The following CMTM8 variants were observed in gnomAD, a reference collection of about 807,000 sequenced individuals.
CMTM8 encodes CKLF-like MARVEL transmembrane domain-containing protein 8.
Under a neutral mutation model 18.6 loss-of-function variants are expected in CMTM8, and 12 were observed. That is an observed-to-expected ratio of 0.65 (90% CI 0.41 to 1.05). CMTM8 has a LOEUF of 1.05. Among genes scored for constraint, CMTM8 ranks in the 50% least tolerant of loss-of-function variants. The probability of loss-of-function intolerance (pLI) is 0.00; values close to 1 mark genes in which losing one functional copy is unlikely to be tolerated. For synonymous variants in CMTM8, 87 were observed against 90.6 expected (o/e 0.96, Z 0.23); for missense variants, 217 against 227.2 (o/e 0.95, Z 0.29).
intron 1 of CMTM8, among the ~76,000 whole-genome samples, chr3:32,319,057 C>CATACATATATATATAT (rs1206855049): frequency 6.5e-4 from 30 of 45,878 alleles, no homozygotes; most frequent in Middle Eastern, 0.015. Context: ...TGTGTATATA[C>CATACATATATATATAT]ATATATATAT....
chr3:32,301,675 C>G (rs1196175405), intron 1 of CMTM8, among the ~76,000 whole-genome samples: 2 of 150,642 alleles, frequency 1.3e-5, no homozygotes, highest in African/African-American at 4.9e-5. Flanking sequence ...AAATCTCATA[C>G]AGTTTTCCAT....
At chr3:32,265,648 A>C (rs557270723) in intron 1 of CMTM8, among the ~76,000 whole-genome samples, 3 of 147,630 alleles carry the variant, frequency 2.0e-5, no homozygotes, top group Non-Finnish European at 4.5e-5. Context: ...CCCTTCAAAA[A>C]ATCAATGAAT....
intron 1 of CMTM8, among the ~76,000 whole-genome samples, chr3:32,293,161 G>A (rs540569291): frequency 6.6e-6 from 1 of 151,824 alleles, no homozygotes; most frequent in Non-Finnish European, 1.5e-5. Context: ...CCCTCACTTT[G>A]GCGGCTATGT....
chr3:32,319,057 C>CATACATATAT (rs1206855049), intron 1 of CMTM8, among the ~76,000 whole-genome samples: 1 of 45,886 alleles, frequency 2.2e-5, no homozygotes, highest in African/African-American at 9.8e-5. Flanking sequence ...TGTGTATATA[C>CATACATATAT]ATATATATAT....
At chr3:32,328,987 T>C (rs1366410387) in intron 1 of CMTM8, among the ~76,000 whole-genome samples, 3 of 152,200 alleles carry the variant, frequency 2.0e-5, no homozygotes, top group African/African-American at 7.2e-5. Flanking sequence ...TACAAGGCCA[T>C]CATTACCTTG....
intron 1 of CMTM8, among the ~76,000 whole-genome samples, chr3:32,337,444 G>C (rs1696409555): frequency 6.6e-6 from 1 of 152,206 alleles, no homozygotes; most frequent in Non-Finnish European, 1.5e-5. Context: ...ACTCTAAGCT[G>C]TTTGGCTGGG....
At chr3:32,260,045 A>G (rs1213066610) in intron 1 of CMTM8, 10 of 1,150,096 alleles carry the variant, frequency 8.7e-6, no homozygotes, top group Middle Eastern at 5.5e-4. Context: ...GCTGAACATC[A>G]AGGTCAAGCT....
At chr3:32,312,576 T>C (rs1018568345) in intron 1 of CMTM8, among the ~76,000 whole-genome samples, 2 of 152,114 alleles carry the variant, frequency 1.3e-5, no homozygotes, top group African/African-American at 4.8e-5. Context: ...TGTGAACATG[T>C]TCTTCCTCAC....
At chr3:32,329,045 T>G (rs1696221429) in intron 1 of CMTM8, among the ~76,000 whole-genome samples, 1 of 152,166 alleles carries the variant, frequency 6.6e-6, no homozygotes, top group Non-Finnish European at 1.5e-5. Context: ...GATACTATAC[T>G]ACAAACCAAT....
At chr3:32,314,121 G>A (rs1048620952) in intron 1 of CMTM8, among the ~76,000 whole-genome samples, 2 of 152,238 alleles carry the variant, frequency 1.3e-5, no homozygotes, top group Admixed American at 6.5e-5. Context: ...TTGGAGGCTA[G>A]TACAGCTGCA....
At chr3:32,269,930 A>G (rs768863621) in intron 1 of CMTM8, among the ~76,000 whole-genome samples, 4 of 150,940 alleles carry the variant, frequency 2.7e-5, no homozygotes, top group Non-Finnish European at 5.9e-5. Context: ...GGCTTGCACT[A>G]CCATGCCTGG....
chr3:32,357,497 A>G lies in CMTM8; in HGVS notation c.272A>G (p.Tyr91Cys), dbSNP rs774698630. 6.2e-7 allele frequency: 1 copy of G among 1,613,912 alleles called. No individual in the cohort carries two copies. Among genetic ancestry groups the G allele is most frequent in the South Asian group, 1.1e-5 (1 of 91,060 alleles). ...CTCACCGTCTTCTTCCTCATTATCT[A>G]CATAACAATGACCTACACCAGGATT... Reference protein sequence around the residue: ...WVLTVFFLIIYITMTYTRIPQ... With the variant: ...WVLTVFFLIICITMTYTRIPQ... Residue 91 changes from tyrosine to cysteine, a missense_variant, in exon 2 of 4, where the codon TAC becomes TGC. Coordinates refer to ENST00000307526, the MANE Select transcript of CMTM8 (RefSeq NM_178868.5).
chr3:32,314,374 G>T (rs1695880034), intron 1 of CMTM8, among the ~76,000 whole-genome samples: 1 of 152,148 alleles, frequency 6.6e-6, no homozygotes, highest in Admixed American at 6.5e-5. Flanking sequence ...AATTGAGGGA[G>T]GGTTGATGCA....
intron 1 of CMTM8, 21 bp downstream of exon 1, chr3:32,239,140 G>C (rs1192930763): frequency 6.3e-7 from 1 of 1,580,692 alleles, no homozygotes; most frequent in Admixed American, 1.8e-5. Flanking sequence ...ACGGGCCGGG[G>C]GTGGCGGGGG....
rs561778560 is a variant in CMTM8, at chr3:32,297,580, T to C, written c.147+58461T>C. Among the ~76,000 whole-genome samples, 6 of 152,210 alleles carry C rather than the reference T, an allele frequency of 3.9e-5. No individual in the cohort carries two copies. The East Asian group carries it at 1.2e-3, about 29-fold the overall frequency. Reference sequence around the variant, plus strand: ...AGTGGTAACCTTGCACAGAGAATGCTGTGGCTAGCAGCAGCCCCGTCTGGG... The same window carrying C: ...AGTGGTAACCTTGCACAGAGAATGCCGTGGCTAGCAGCAGCCCCGTCTGGG... On this transcript the variant is annotated intron_variant, in intron 1 of 3. Coordinates refer to ENST00000307526, the MANE Select transcript of CMTM8 (RefSeq NM_178868.5).
At chr3:32,354,167 T>TAA (rs35976623) in intron 1 of CMTM8, among the ~76,000 whole-genome samples, 2 of 149,228 alleles carry the variant, frequency 1.3e-5, no homozygotes, top group Admixed American at 1.3e-4. Context: ...AGTCTTAGCC[T>TAA]AAAAAAAAAA....
At chr3:32,364,519 CA>C (rs1696993635) in intron 2 of CMTM8, among the ~76,000 whole-genome samples, 1 of 151,926 alleles carries the variant, frequency 6.6e-6, no homozygotes, top group Admixed American at 6.6e-5. Flanking sequence ...AAAAAAAAGA[CA>C]GAAAAGAAAT....
chr3:32,258,085 C>T (rs1702200132), intron 1 of CMTM8, among the ~76,000 whole-genome samples: 1 of 152,162 alleles, frequency 6.6e-6, no homozygotes, highest in East Asian at 1.9e-4. Flanking sequence ...AGCAGATTAC[C>T]CTTAACTCAT....
At chr3:32,301,158 C>A (rs1695606001) in intron 1 of CMTM8, among the ~76,000 whole-genome samples, 1 of 151,882 alleles carries the variant, frequency 6.6e-6, no homozygotes, top group Non-Finnish European at 1.5e-5. Flanking sequence ...GGACATTAAC[C>A]CGGTTTGTTT....
Sources: allele counts gnomAD v4.1 joint callset (sites outside exome capture counted in the v4.1 genomes callset), GRCh38; gene constraint gnomAD v4.1.1; transcripts MANE v1.5; gene names NCBI Gene and HGNC (gene_info 2026-07-23, HGNC 2026-07-21).